CNTNAP2: variants seen among roughly 807,000 people sequenced by gnomAD.
The protein encoded by CNTNAP2 is contactin-associated protein-like 2.
A neutral mutation model predicts 155.2 loss-of-function variants in CNTNAP2; 98 were observed. The ratio of observed to expected loss-of-function variants is 0.63; its 90% CI spans 0.54 to 0.75. The LOEUF (loss-of-function observed/expected upper bound fraction) is 0.75. Ranked by LOEUF, CNTNAP2 falls within the 30% of genes least tolerant of loss-of-function variation. The probability of loss-of-function intolerance (pLI) is 0.00; values close to 1 mark genes in which losing one functional copy is unlikely to be tolerated. For synonymous variants in CNTNAP2, 651 were observed against 631.2 expected, an observed-to-expected ratio of 1.03 and a Z score of -0.47; for missense variants, 1,727 against 1,688.1, an observed-to-expected ratio of 1.02 and a Z score of -0.40.
rs1439096553 is a variant in CNTNAP2 at position 147,252,942 on chromosome 7, G to A, written c.1349-47199G>A. Among the ~76,000 whole-genome samples the A allele has an allele frequency of 2.6e-5, 4 of 152,150 alleles. No homozygotes were observed. The East Asian group carries it at 7.7e-4, about 29-fold the overall frequency. On this transcript the variant is annotated intron_variant, in intron 8 of 23. Coordinates refer to ENST00000361727, the MANE Select transcript of CNTNAP2 (RefSeq NM_014141.6). Reference sequence around the variant, plus strand: ...TGGCAGAGGCTGGATCTGAACTCAGGAAGCCTGCCTCTTGTGTTCAACAAA... The same window carrying A: ...TGGCAGAGGCTGGATCTGAACTCAGAAAGCCTGCCTCTTGTGTTCAACAAA...
At chr7:146,612,110 G>C (rs1323703789) in intron 1 of CNTNAP2, among the ~76,000 whole-genome samples, 1 of 152,142 alleles carries the variant, frequency 6.6e-6, no homozygotes. Flanking sequence ...TCATGTAATA[G>C]TGTCGTGAGG....
rs1438446898 is a variant in CNTNAP2 at position 146,397,871 on chromosome 7, C to CTT, written c.97+280901_97+280902dup. On this transcript the variant is annotated intron_variant, in intron 1 of 23. Coordinates refer to ENST00000361727, the MANE Select transcript of CNTNAP2 (RefSeq NM_014141.6). ...ATTTTGTATACCAAAATTTGACAGG[C>CTT]TTTTATTTATTTATTTATTTTTGAC... Among the ~76,000 whole-genome samples the CTT allele has an allele frequency of 8.0e-3, 1,018 of 126,728 alleles. 39 individuals carry two copies. Among genetic ancestry groups the CTT allele is most frequent in the African/African-American group, 0.028 (834 of 29,368 alleles). 83.1% of individuals were successfully genotyped at this position (126,728 alleles called of 152,430 possible).
chr7:147,601,569 G>A (rs1315470652), intron 12 of CNTNAP2, among the ~76,000 whole-genome samples: 1 of 149,908 alleles, frequency 6.7e-6, no homozygotes, highest in African/African-American at 2.5e-5. Flanking sequence ...GTGATATGAT[G>A]GCTTAGCTTG....
chr7:146,289,139 C>G lies in CNTNAP2; in HGVS notation c.97+172166C>G, dbSNP rs144800455. Among the ~76,000 whole-genome samples, 95 of 152,238 alleles carry G rather than the reference C, an allele frequency of 6.2e-4. 2 individuals are homozygous for G. Among genetic ancestry groups the G allele is most frequent in the African/African-American group, 2.2e-3 (92 of 41,550 alleles). On this transcript the variant is annotated intron_variant, in intron 1 of 23. Coordinates refer to ENST00000361727, the MANE Select transcript of CNTNAP2 (RefSeq NM_014141.6). Reference sequence around the variant, plus strand: ...ATCTTATGCCATATGCCTGACCACTCCCTCAGACAAATGAGAACCAATGTA... The same window carrying G: ...ATCTTATGCCATATGCCTGACCACTGCCTCAGACAAATGAGAACCAATGTA...
chr7:148,415,839 C>T lies in CNTNAP2; in HGVS notation c.*223C>T. On this transcript the variant is annotated 3_prime_UTR_variant, in exon 24 of 24. Coordinates refer to ENST00000361727, the MANE Select transcript of CNTNAP2 (RefSeq NM_014141.6). The stretch of plus-strand genomic sequence containing the variant: ...CTGAGTTTTCCCTTCTGTATCAAAA[C>T]AAAATAATACAAAAAATGCTTTTAG... The T allele has an allele frequency of 6.7e-6, 4 of 597,702 alleles. No individual in the cohort carries two copies. The highest frequency in any genetic ancestry group is 6.5e-5 in the South Asian group (3 of 46,208). The allele number at this position is 597,702 out of a possible 1,614,324, so 37.0% of individuals were successfully genotyped here.
intron 1 of CNTNAP2, among the ~76,000 whole-genome samples, chr7:146,385,348 G>A (rs1795445642): frequency 6.6e-6 from 1 of 152,006 alleles, no homozygotes; most frequent in South Asian, 2.1e-4. Flanking sequence ...GCTGCCCCAG[G>A]GGAATAATCT....
chr7:147,527,026 T>C lies in CNTNAP2; in HGVS notation c.1778-35112T>C, dbSNP rs991373279. Among the ~76,000 whole-genome samples the C allele has an allele frequency of 4.2e-4, 58 of 136,772 alleles. 1 individual carries two copies. Among genetic ancestry groups the C allele is most frequent in the Admixed American group, 1.1e-3 (15 of 13,758 alleles). The allele number at this position is 136,772 out of a possible 152,430, so 89.7% of individuals were successfully genotyped here. A position where few individuals can be genotyped will look rare whatever the true frequency, so the allele number is the denominator to read the frequency against. On this transcript the variant is annotated intron_variant, in intron 11 of 23. Coordinates refer to ENST00000361727, the MANE Select transcript of CNTNAP2 (RefSeq NM_014141.6). ...GAAGACAGGCATTTCTTTTTTTTTT[T>C]TTTTTTTTTTTTTTTTGATGGAGTC...
At chr7:146,615,496 G>T (rs941122121) in intron 1 of CNTNAP2, among the ~76,000 whole-genome samples, 4 of 152,178 alleles carry the variant, frequency 2.6e-5, no homozygotes, top group Admixed American at 2.6e-4. Flanking sequence ...GTCATGCTCA[G>T]ATATTAAATA....
chr7:146,590,309 A>G (rs1450650157), intron 1 of CNTNAP2, among the ~76,000 whole-genome samples: 5 of 152,134 alleles, frequency 3.3e-5, no homozygotes, highest in Non-Finnish European at 5.9e-5. Flanking sequence ...CTGCTCTAAT[A>G]TGATACATAT....
chr7:146,645,625 T>A (rs1260989906), intron 1 of CNTNAP2, among the ~76,000 whole-genome samples: 2 of 152,166 alleles, frequency 1.3e-5, no homozygotes, highest in Non-Finnish European at 2.9e-5. Context: ...ACTGTATTCT[T>A]TTTAACAGCT....
intron 1 of CNTNAP2, among the ~76,000 whole-genome samples, chr7:146,595,445 T>C (rs1798846097): frequency 6.6e-6 from 1 of 152,044 alleles, no homozygotes; most frequent in Admixed American, 6.6e-5. Flanking sequence ...AAGAGGAATA[T>C]TATATTTTCA....
At chr7:148,275,079 C>T (rs969672687) in intron 21 of CNTNAP2, among the ~76,000 whole-genome samples, 1 of 152,120 alleles carries the variant, frequency 6.6e-6, no homozygotes, top group Non-Finnish European at 1.5e-5. Context: ...CATTAGGGTC[C>T]AAGACAGGCA....
rs140067077 is a variant in CNTNAP2, at chr7:148,320,769, T to C, written c.3475+53643T>C. Among the ~76,000 whole-genome samples the C allele has an allele frequency of 2.8e-3, 425 of 152,294 alleles. 1 individual carries two copies. Among genetic ancestry groups the C allele is most frequent in the African/African-American group, 9.0e-3 (376 of 41,576 alleles). On this transcript the variant is annotated intron_variant, in intron 21 of 23. Coordinates refer to ENST00000361727, the MANE Select transcript of CNTNAP2 (RefSeq NM_014141.6). ...ACAAAGGTGAAACAGACATGCTGACTGTCATTAAAACACTGACAATCTAAA... is the reference window on the plus strand; with the variant it reads ...ACAAAGGTGAAACAGACATGCTGACCGTCATTAAAACACTGACAATCTAAA...
chr7:148,223,463 C>T (rs945716384), intron 19 of CNTNAP2, among the ~76,000 whole-genome samples: 7 of 152,148 alleles, frequency 4.6e-5, no homozygotes, highest in African/African-American at 1.7e-4. Flanking sequence ...TTATTTGCTG[C>T]ATCCAATAAA....
intron 1 of CNTNAP2, among the ~76,000 whole-genome samples, chr7:146,279,429 AACACACACACAC>A (rs60178387): frequency 0.012 from 1,703 of 144,700 alleles, 34 homozygotes; most frequent in African/African-American, 0.04. Flanking sequence ...CATTTCCTTA[AACACACACACAC>A]ACACACACAC....
intron 21 of CNTNAP2, among the ~76,000 whole-genome samples, chr7:148,348,584 C>G (rs531806795): frequency 4.6e-5 from 7 of 152,262 alleles, no homozygotes; most frequent in African/African-American, 1.7e-4. Flanking sequence ...ACAGCCAGCT[C>G]TTGAAGAATA....
Position 146,904,713 on chromosome 7 carries a change from C to T in CNTNAP2, c.402+64809C>T, listed in dbSNP as rs976011244. Reference sequence around the variant, plus strand: ...GTCTCGATCTCCTGACCTCGTGATCCGCCCACCTCGGCCTCCCAAAGTGCT... The same window carrying T: ...GTCTCGATCTCCTGACCTCGTGATCTGCCCACCTCGGCCTCCCAAAGTGCT... On this transcript the variant is annotated intron_variant, in intron 3 of 23. Coordinates refer to ENST00000361727, the MANE Select transcript of CNTNAP2 (RefSeq NM_014141.6). Among the ~76,000 whole-genome samples, 44 of 152,214 alleles carry T rather than the reference C, an allele frequency of 2.9e-4. 1 individual carries two copies. Among genetic ancestry groups the T allele is most frequent in the African/African-American group, 6.5e-4 (27 of 41,544 alleles).
At chr7:147,290,713 G>C (rs1203092715) in intron 8 of CNTNAP2, among the ~76,000 whole-genome samples, 1 of 148,546 alleles carries the variant, frequency 6.7e-6, no homozygotes, top group Non-Finnish European at 1.5e-5. Context: ...AAAGGCACTG[G>C]ATATACAGTG....
intron 15 of CNTNAP2, among the ~76,000 whole-genome samples, chr7:148,055,931 G>A (rs548859891): frequency 1.3e-5 from 2 of 152,120 alleles, no homozygotes; most frequent in African/African-American, 2.4e-5. Context: ...GCCAAGGTTC[G>A]GGGCTCATTC....
Sources: allele counts gnomAD v4.1 joint callset (sites outside exome capture counted in the v4.1 genomes callset), GRCh38; gene constraint gnomAD v4.1.1; transcripts MANE v1.5; gene names NCBI Gene and HGNC (gene_info 2026-07-23, HGNC 2026-07-21).